Variants in RUNX1 observed in about 807,000 individuals in gnomAD.
The protein encoded by RUNX1 is RUNX family transcription factor 1, also known as runt-related transcription factor 1.
Under a neutral mutation model 42.8 loss-of-function variants are expected in RUNX1, and 19 were observed. The observed-to-expected ratio is 0.44, with a 90% CI of 0.31 to 0.65. The LOEUF (loss-of-function observed/expected upper bound fraction) is 0.65, where lower values mean the gene tolerates loss of function less well. Among genes scored for constraint, RUNX1 ranks in the 30% least tolerant of loss-of-function variants. The probability of loss-of-function intolerance (pLI) is 0.07; values close to 1 mark genes in which losing one functional copy is unlikely to be tolerated. For missense variants in RUNX1, 528 were observed against 672.0 expected, an observed-to-expected ratio of 0.79 and a Z score of 2.37; for synonymous variants, 271 against 289.4, an observed-to-expected ratio of 0.94 and a Z score of 0.64.
At chr21:34,905,309 G>C (rs1026260787) in intron 2 of RUNX1, among the ~76,000 whole-genome samples, 2 of 152,110 alleles carry the variant, frequency 1.3e-5, no homozygotes, top group African/African-American at 4.8e-5. Flanking sequence ...GGCATATCCA[G>C]GCTAGCAATT....
At chr21:35,045,360 C>T (rs939210477) in intron 2 of RUNX1, among the ~76,000 whole-genome samples, 1 of 152,092 alleles carries the variant, frequency 6.6e-6, no homozygotes, top group African/African-American at 2.4e-5. Flanking sequence ...TTGCTAAGAC[C>T]CACTGTTAGG....
chr21:34,796,887 GAGAC>G lies in RUNX1; in HGVS notation c.967+2410_967+2413del, dbSNP rs1160387291. Among the ~76,000 whole-genome samples the G allele has an allele frequency of 9.2e-5, 14 of 152,340 alleles. No individual in the cohort carries two copies. In the East Asian group the frequency reaches 2.1e-3, roughly 23 times the overall value. On this transcript the variant is annotated intron_variant, in intron 8 of 8. Transcript: ENST00000675419. ...TCTGTCTGCAAAGGATAGAGAGAGA[GAGAC>G]AGACAGAGTCCAAGTCCCCAGCGCA...
intron 2 of RUNX1, among the ~76,000 whole-genome samples, chr21:34,988,144 C>G (rs2058906285): frequency 6.6e-6 from 1 of 152,156 alleles, no homozygotes; most frequent in South Asian, 2.1e-4. Flanking sequence ...CAAGACATCC[C>G]TATTGCCTGC....
rs893018737 is a variant in RUNX1, at chr21:35,048,965, A to G, written c.-59-7T>C. The G allele has an allele frequency of 7.1e-7, 1 of 1,412,686 alleles. No homozygotes were observed. Among genetic ancestry groups the G allele is most frequent in the Non-Finnish European group, 1.0e-6 (1 of 998,740 alleles). The allele number at this position is 1,412,686 out of a possible 1,614,324, so 87.5% of individuals were successfully genotyped here. A position where few individuals can be genotyped will look rare whatever the true frequency, so the allele number is the denominator to read the frequency against. Reference sequence around the variant, plus strand: ...ACTCAATGATTTCTTTTACCTTCGGAGCGAAAACCAAGACAGGTCACTGTT... The same window carrying G: ...ACTCAATGATTTCTTTTACCTTCGGGGCGAAAACCAAGACAGGTCACTGTT... On this transcript the variant is annotated splice_polypyrimidine_tract_variant and splice_region_variant and intron_variant, in intron 1 of 8. Coordinates refer to ENST00000675419, the MANE Select transcript of RUNX1 (RefSeq NM_001754.5).
intron 5 of RUNX1, among the ~76,000 whole-genome samples, chr21:34,866,657 T>A (rs906619071): frequency 6.6e-6 from 1 of 152,234 alleles, no homozygotes; most frequent in Non-Finnish European, 1.5e-5. Context: ...TGGAGTTGTA[T>A]AATTAATTTA....
chr21:34,889,743 C>T, intron 3 of RUNX1: 1 of 1,171,826 alleles, frequency 8.5e-7, no homozygotes, highest in East Asian at 5.0e-5. Context: ...GGCATTTTCG[C>T]GGAGCTCGGA....
intron 2 of RUNX1, among the ~76,000 whole-genome samples, chr21:34,978,307 A>G (rs956836832): frequency 6.6e-6 from 1 of 152,228 alleles, no homozygotes; most frequent in Non-Finnish European, 1.5e-5. Flanking sequence ...CTTTCTATTG[A>G]TAAGTATGAG....
chr21:34,948,426 G>A (rs1276742493), intron 2 of RUNX1, among the ~76,000 whole-genome samples: 1 of 152,112 alleles, frequency 6.6e-6, no homozygotes, highest in African/African-American at 2.4e-5. Flanking sequence ...CTTTATAAAA[G>A]TTCTGTATAG....
chr21:34,886,719 G>A (rs1048607928), intron 4 of RUNX1, 124 bp downstream of exon 4: 1 of 1,476,172 alleles, frequency 6.8e-7, no homozygotes, highest in Non-Finnish European at 9.2e-7. Context: ...TAGGAAGACC[G>A]ACCCGGGGCT....
intron 2 of RUNX1, among the ~76,000 whole-genome samples, chr21:34,983,126 C>T (rs753860816): frequency 4.6e-5 from 7 of 152,104 alleles, no homozygotes; most frequent in Admixed American, 6.5e-5. Context: ...AACCAGCAAG[C>T]GCATGAGGTA....
chr21:34,809,110 C>G (rs902490794), intron 7 of RUNX1, among the ~76,000 whole-genome samples: 12 of 152,124 alleles, frequency 7.9e-5, no homozygotes, highest in South Asian at 2.1e-4. Flanking sequence ...ACCTCTGCCC[C>G]CCGTATACAA....
Position 34,792,828 on chromosome 21 carries a change from C to G in RUNX1, c.968-218G>C, listed in dbSNP as rs373907981. On this transcript the variant is annotated intron_variant, in intron 8 of 8. Transcript: ENST00000675419. The surrounding 1 kb of genome is among the most constrained non-coding windows in gnomAD (Gnocchi z 6.9). ...GCTATACCCAGGGGGACAGGGACCA[C>G]CCAGGATGCCACCTCCTGAGATGAC... is the stretch of plus-strand genomic sequence containing the variant. Among the ~76,000 whole-genome samples, 104 of 150,884 alleles carry G rather than the reference C, an allele frequency of 6.9e-4. 2 individuals are homozygous for G. The South Asian group carries it at 0.021, about 30-fold the overall frequency.
At chr21:34,928,230 C>T (rs1417359883) in intron 2 of RUNX1, among the ~76,000 whole-genome samples, 3 of 152,074 alleles carry the variant, frequency 2.0e-5, no homozygotes, top group African/African-American at 4.8e-5. Flanking sequence ...AGTTATGGAA[C>T]GTTTACATCA....
chr21:35,006,344 T>G (rs565337115), intron 2 of RUNX1, among the ~76,000 whole-genome samples: 2 of 152,264 alleles, frequency 1.3e-5, no homozygotes, highest in South Asian at 4.2e-4. Context: ...AATGTACTTT[T>G]CAGGAAACAC....
chr21:34,923,894 T>G (rs2058373000), intron 2 of RUNX1, among the ~76,000 whole-genome samples: 1 of 113,202 alleles, frequency 8.8e-6, no homozygotes, highest in Non-Finnish European at 1.8e-5. Flanking sequence ...TCTCTCGCGT[T>G]AAAATCTGAA....
chr21:34,965,397 T>A (rs2058711783), intron 2 of RUNX1, among the ~76,000 whole-genome samples: 1 of 152,154 alleles, frequency 6.6e-6, no homozygotes, highest in Non-Finnish European at 1.5e-5. Flanking sequence ...AGCCTCGGGT[T>A]TAGTCTCTTT....
chr21:34,995,984 C>T (rs1286164335), intron 2 of RUNX1, among the ~76,000 whole-genome samples: 1 of 152,214 alleles, frequency 6.6e-6, no homozygotes, highest in Non-Finnish European at 1.5e-5. Context: ...CCCCACCACA[C>T]ATTCAGCATA....
intron 2 of RUNX1, among the ~76,000 whole-genome samples, chr21:34,999,013 G>C (rs184021444): frequency 1.3e-5 from 2 of 152,370 alleles, no homozygotes; most frequent in Admixed American, 1.3e-4. Flanking sequence ...ATGGGAGACA[G>C]GCACATGGCA....
intron 6 of RUNX1, among the ~76,000 whole-genome samples, chr21:34,846,878 C>T (rs1039602750): frequency 1.3e-5 from 2 of 152,206 alleles, no homozygotes; most frequent in South Asian, 2.1e-4. Flanking sequence ...AACAGGACAG[C>T]GAGCTGGCCT....
Sources: gnomAD v4.1 joint callset for allele counts (sites outside exome capture counted in the v4.1 genomes callset) on GRCh38, gnomAD v4.1.1 for gene constraint, Gnocchi (gnomAD v3.1) non-coding constraint, MANE v1.5 for transcripts, NCBI Gene and HGNC (gene_info 2026-07-23, HGNC 2026-07-21) for gene names.